The following LAMA2 variants were observed in gnomAD, a reference collection of about 807,000 sequenced individuals.
The protein encoded by LAMA2 is laminin subunit alpha 2, also known as laminin subunit alpha-2.
LAMA2 carries 269 observed loss-of-function variants against 364.8 expected under a neutral mutation model. The observed-to-expected ratio is 0.74, with a 90% confidence interval of 0.67 to 0.82. The LOEUF (loss-of-function observed/expected upper bound fraction) is 0.82, where lower values mean the gene tolerates loss of function less well. Ranked by LOEUF, LAMA2 falls within the 40% of genes least tolerant of loss-of-function variation. LAMA2 has a pLI of 0.00. For synonymous variants in LAMA2, 1,379 were observed against 1,370.6 expected (o/e 1.01, Z -0.14); for missense variants, 3,807 against 3,873.2 (o/e 0.98, Z 0.45).
intron 1 of LAMA2, among the ~76,000 whole-genome samples, chr6:129,005,709 A>T (rs1784407319): frequency 6.6e-6 from 1 of 150,392 alleles, no homozygotes; most frequent in South Asian, 2.1e-4. Flanking sequence ...TTGGGGGAAA[A>T]ATGTGTGTGT....
At chr6:129,428,574 A>G (rs1013297866) in intron 41 of LAMA2, among the ~76,000 whole-genome samples, 2 of 152,040 alleles carry the variant, frequency 1.3e-5, no homozygotes, top group Admixed American at 6.6e-5. Flanking sequence ...CCTGCCTCAT[A>G]TCTGGGATTA....
chr6:129,414,143 G>A (rs9402125), intron 40 of LAMA2, among the ~76,000 whole-genome samples: 76,220 of 151,834 alleles, frequency 0.5, 19,624 homozygotes, highest in African/African-American at 0.62. Flanking sequence ...GAAGTAAACA[G>A]TAAGTTTAGA....
chr6:129,465,454 T>C (rs1395756668), intron 51 of LAMA2, among the ~76,000 whole-genome samples, 165 bp downstream of exon 51: 1 of 151,970 alleles, frequency 6.6e-6, no homozygotes, highest in Non-Finnish European at 1.5e-5. Context: ...TGATTTGGGT[T>C]AGACATGACT....
chr6:129,107,373 G>T (rs1424446539), intron 4 of LAMA2, among the ~76,000 whole-genome samples: 1 of 152,086 alleles, frequency 6.6e-6, no homozygotes, highest in Non-Finnish European at 1.5e-5. Context: ...TCCTAACTAT[G>T]AAATGACTGA....
chr6:129,415,945 CTTTTTTTTTTT>C lies in LAMA2; in HGVS notation c.5866-11796_5866-11786del, dbSNP rs952225363. Among the ~76,000 whole-genome samples the C allele has an allele frequency of 3.3e-4, 11 of 33,732 alleles. 3 individuals carry two copies. Among genetic ancestry groups the C allele is most frequent in the Non-Finnish European group, 5.8e-4 (11 of 18,950 alleles). 22.1% of individuals were successfully genotyped at this position (33,732 alleles called of 152,430 possible). Reference sequence around the variant, plus strand: ...TTTGCTGAAATTATACACTTTCTTTCTTTTTTTTTTTTTTTTTTTTTGAGACGGAGTCTCGC... The same window carrying C: ...TTTGCTGAAATTATACACTTTCTTTCTTTTTTTTTTGAGACGGAGTCTCGC... On this transcript the variant is annotated intron_variant, in intron 40 of 64. Transcript: ENST00000421865.
chr6:129,309,353 G>A (rs1774069286), intron 22 of LAMA2, among the ~76,000 whole-genome samples: 1 of 152,100 alleles, frequency 6.6e-6, no homozygotes, highest in Admixed American at 6.6e-5. Flanking sequence ...TAATGGTCTG[G>A]TTTATTCTCC....
intron 4 of LAMA2, among the ~76,000 whole-genome samples, chr6:129,113,858 C>T (rs1218360211): frequency 6.6e-6 from 1 of 151,844 alleles, no homozygotes; most frequent in African/African-American, 2.4e-5. Flanking sequence ...CTCAGCTGTT[C>T]CATGGTAAGG....
At chr6:128,967,226 T>G (rs1781900276) in intron 1 of LAMA2, among the ~76,000 whole-genome samples, 1 of 152,108 alleles carries the variant, frequency 6.6e-6, no homozygotes, top group Non-Finnish European at 1.5e-5. Flanking sequence ...ATGGTCAAGG[T>G]AGATTCAAGC....
chr6:129,260,979 G>C (rs921595061), intron 15 of LAMA2, among the ~76,000 whole-genome samples, 157 bp downstream of exon 15: 1 of 151,988 alleles, frequency 6.6e-6, no homozygotes, highest in Non-Finnish European at 1.5e-5. Context: ...AAAAGCTGTG[G>C]CTTTCAATTA....
At chr6:129,361,143 A>C (rs1236753921) in intron 32 of LAMA2, among the ~76,000 whole-genome samples, 1 of 152,236 alleles carries the variant, frequency 6.6e-6, no homozygotes, top group Admixed American at 6.5e-5. Context: ...TTGGAGGTGA[A>C]AAAAGAGCAA....
rs1407791464 is a variant in LAMA2 at position 129,154,575 on chromosome 6, G to C, written c.1098G>C (p.Leu366Phe). The C allele has an allele frequency of 2.5e-6, 4 of 1,613,840 alleles. No individual in the cohort carries two copies. Among genetic ancestry groups the C allele is most frequent in the Admixed American group, 1.7e-5 (1 of 60,022 alleles). Residue 366 changes from leucine (L) to phenylalanine (F), a missense_variant, in exon 8 of 65, where the codon TTG (leucine) becomes TTC (phenylalanine). Physicochemically the swap from Leu to Phe is conservative, Grantham distance 22 (BLOSUM62 0). Around this residue, in one of 3 missense-constraint regions of LAMA2, gnomAD observed 80 missense variants for 124.0 expected, o/e 0.65. Transcript: ENST00000421865. ...ATGTTGCCAGAAGAAATCTGAGTTT[G>C]AATATACGTGGAAAGTACATTGGAG... ...DENVARRNLS[L>F]NIRGKYIGGG...
chr6:128,946,749 T>C (rs75919724), intron 1 of LAMA2, among the ~76,000 whole-genome samples: 3,692 of 152,306 alleles, frequency 0.024, 48 homozygotes, highest in Middle Eastern at 0.031. Context: ...TTTTTCTTTT[T>C]CTTTATCTAT....
At chr6:129,499,143 G>A (rs950957896) in intron 58 of LAMA2, among the ~76,000 whole-genome samples, 5 of 152,078 alleles carry the variant, frequency 3.3e-5, no homozygotes, top group Non-Finnish European at 5.9e-5. Flanking sequence ...AAAAACAAGC[G>A]TATCTGTCCT....
intron 12 of LAMA2, among the ~76,000 whole-genome samples, chr6:129,221,076 C>T (rs979712565): frequency 2.6e-5 from 4 of 151,430 alleles, no homozygotes; most frequent in Admixed American, 6.6e-5. Context: ...GCAGGAGAAT[C>T]GCTTGAACCT....
chr6:129,039,235 C>G (rs537793871), intron 1 of LAMA2, among the ~76,000 whole-genome samples: 1 of 152,142 alleles, frequency 6.6e-6, no homozygotes, highest in South Asian at 2.1e-4. Flanking sequence ...AAAACACTTT[C>G]ACAGAGCAGG....
Position 129,391,601 on chromosome 6 carries a change from C to T in LAMA2, c.5182C>T (p.Leu1728=). The T allele has an allele frequency of 6.2e-7, 1 of 1,613,784 alleles. No homozygotes were observed. The highest frequency in any genetic ancestry group is 8.5e-7 in the Non-Finnish European group (1 of 1,179,748). Residue 1728 remains leucine (L), a synonymous_variant, in exon 36 of 65, where the codon CTG becomes TTG. Transcript: ENST00000421865. The part of the protein sequence containing the change: ...QKEIDQMIKE[L]RRKNLETQKE... ...AGAGATTGACCAGATGATTAAAGAA[C>T]TGAGGAGGAAAAATCTAGAGACACA...
intron 38 of LAMA2, 97 bp from the exon 39 acceptor site, chr6:129,402,227 A>AG (rs1780019443): frequency 1.1e-6 from 1 of 893,756 alleles, no homozygotes; most frequent in Non-Finnish European, 1.7e-6. Context: ...AAAAAAAAAA[A>AG]CTAAACTAAA....
rs527681637 is a variant in LAMA2, at chr6:129,320,660, G to A, written c.4176+5G>A. 10 of 1,496,426 alleles carry A rather than the reference G, an allele frequency of 6.7e-6. No individual in the cohort carries two copies. Among genetic ancestry groups the A allele is most frequent in the East Asian group, 4.5e-5 (2 of 44,314 alleles). 92.7% of individuals were successfully genotyped at this position (1,496,426 alleles called of 1,614,324 possible). On this transcript the variant is annotated splice_donor_5th_base_variant and intron_variant, in intron 28 of 64. Transcript: ENST00000421865. ...TATTCTGGCCTGTCCTGTGAGGTAA[G>A]CTACCTCCTACTAACCTGCTTAATC...
chr6:128,970,008 AT>A (rs932712389), intron 1 of LAMA2, among the ~76,000 whole-genome samples: 1 of 152,182 alleles, frequency 6.6e-6, no homozygotes, highest in Non-Finnish European at 1.5e-5. Flanking sequence ...AATAATTTTT[AT>A]TTCAGAATTA....
Sources: gnomAD v4.1 joint callset for allele counts (sites outside exome capture counted in the v4.1 genomes callset) on GRCh38, gnomAD v4.1.1 for gene constraint, gnomAD v4.1.1 regional missense constraint, MANE v1.5 for transcripts, NCBI Gene and HGNC (gene_info 2026-07-23, HGNC 2026-07-21) for gene names.